Variants in ANO3 observed in about 807,000 individuals in gnomAD.
The protein encoded by ANO3 is anoctamin-3.
In ANO3, 99 loss-of-function variants were observed where a neutral mutation model predicts 144.8. The observed-to-expected ratio is 0.68, with a 90% CI of 0.58 to 0.81. The LOEUF is 0.81. Ranked by LOEUF, ANO3 falls within the 30% of genes least tolerant of loss-of-function variation. ANO3 has a pLI of 0.00. For missense variants in ANO3, 905 were observed against 1,202.2 expected, an observed-to-expected ratio of 0.75 and a Z score of 3.66; for synonymous variants, 414 against 392.6, an observed-to-expected ratio of 1.05 and a Z score of -0.64.
intron 14 of ANO3, among the ~76,000 whole-genome samples, chr11:26,586,354 CTTTTTTTTTT>C (rs143903766): frequency 2.4e-5 from 3 of 125,676 alleles, no homozygotes; most frequent in Admixed American, 1.5e-4. Flanking sequence ...CTCCTGTATT[CTTTTTTTTTT>C]TTTTTTTTTT....
intron 4 of ANO3, among the ~76,000 whole-genome samples, chr11:26,464,089 A>G (rs1859513053): frequency 1.3e-5 from 2 of 151,890 alleles, no homozygotes; most frequent in Non-Finnish European, 2.9e-5. Flanking sequence ...AATTTTGCAA[A>G]TATCTTTATT....
At chr11:26,330,129 T>C (rs541307045), upstream of ANO3, among the ~76,000 whole-genome samples, 3 of 152,280 alleles carry the variant, frequency 2.0e-5, no homozygotes, top group African/African-American at 4.8e-5. Flanking sequence ...CTAGTAAGTA[T>C]TGGGTGTTAG....
intron 18 of ANO3, among the ~76,000 whole-genome samples, chr11:26,632,912 C>G (rs187597760): frequency 1.6e-3 from 242 of 152,288 alleles, no homozygotes; most frequent in African/African-American, 5.6e-3. Flanking sequence ...AGAGAAACAA[C>G]AGTGAAAGCA....
chr11:26,405,149 T>G (rs931596067), intron 1 of ANO3, among the ~76,000 whole-genome samples: 1 of 151,710 alleles, frequency 6.6e-6, no homozygotes, highest in African/African-American at 2.4e-5. Context: ...ATTCCTTTCA[T>G]GGGAAAGAAT....
chr11:26,207,305 T>C (rs1851818065), intron 1 of ANO3, among the ~76,000 whole-genome samples: 1 of 152,164 alleles, frequency 6.6e-6, no homozygotes, highest in South Asian at 2.1e-4. Flanking sequence ...AAATGCATAG[T>C]TAATATTCTA....
At chr11:26,268,524 C>T (rs1179828648) in intron 1 of ANO3, among the ~76,000 whole-genome samples, 1 of 152,020 alleles carries the variant, frequency 6.6e-6, no homozygotes, top group Admixed American at 6.6e-5. Flanking sequence ...GTCTCTTTTA[C>T]TTGAAAAAAA....
intron 9 of ANO3, among the ~76,000 whole-genome samples, chr11:26,536,334 G>A (rs1377890174): frequency 2.8e-4 from 41 of 147,454 alleles, no homozygotes; most frequent in Admixed American, 6.7e-4. Context: ...AAAAAAAAAA[G>A]AAAGAAACTG....
chr11:26,655,282 G>A (rs1474915094), intron 24 of ANO3, among the ~76,000 whole-genome samples: 2 of 152,034 alleles, frequency 1.3e-5, no homozygotes, highest in African/African-American at 4.8e-5. Flanking sequence ...TATTGCCCTT[G>A]GTAGAGACAC....
At chr11:26,620,659 G>A (rs1852388297) in intron 17 of ANO3, among the ~76,000 whole-genome samples, 1 of 152,154 alleles carries the variant, frequency 6.6e-6, no homozygotes, top group African/African-American at 2.4e-5. Context: ...AGTACTCCAT[G>A]TAGGTTCTGG....
intron 14 of ANO3, among the ~76,000 whole-genome samples, chr11:26,576,022 G>C (rs902714099): frequency 6.6e-6 from 1 of 152,176 alleles, no homozygotes; most frequent in Non-Finnish European, 1.5e-5. Context: ...TTAGCAGAAA[G>C]ACTTTGTCGC....
intron 1 of ANO3, among the ~76,000 whole-genome samples, chr11:26,318,540 C>T (rs1480209606): frequency 2.0e-5 from 3 of 152,100 alleles, no homozygotes; most frequent in Non-Finnish European, 4.4e-5. Flanking sequence ...TAGGGAGACA[C>T]GACTGACAGC....
intron 1 of ANO3, among the ~76,000 whole-genome samples, chr11:26,315,708 T>TCTATCTAC (rs1854611331): frequency 6.6e-6 from 1 of 151,550 alleles, no homozygotes; most frequent in African/African-American, 2.4e-5. Flanking sequence ...TATCTATCTA[T>TCTATCTAC]CTACCTACCT....
intron 4 of ANO3, among the ~76,000 whole-genome samples, chr11:26,483,924 G>C (rs1277972788): frequency 2.0e-5 from 3 of 152,200 alleles, no homozygotes; most frequent in Non-Finnish European, 1.5e-5. Flanking sequence ...GGAGGTCTCA[G>C]ATGGAAATGA....
chr11:26,249,350 G>A (rs1164461407), intron 1 of ANO3, among the ~76,000 whole-genome samples: 1 of 152,102 alleles, frequency 6.6e-6, no homozygotes, highest in Non-Finnish European at 1.5e-5. Context: ...ATTCTACTAC[G>A]AAGCTAACAT....
At chr11:26,524,526 A>G (rs1452041077) in intron 6 of ANO3, among the ~76,000 whole-genome samples, 1 of 152,118 alleles carries the variant, frequency 6.6e-6, no homozygotes, top group African/African-American at 2.4e-5. Context: ...GTACCACAGC[A>G]TAGAGGAGCT....
chr11:26,267,184 G>A (rs569025906), intron 1 of ANO3, among the ~76,000 whole-genome samples: 17 of 147,636 alleles, frequency 1.2e-4, no homozygotes, highest in South Asian at 2.1e-4. Flanking sequence ...ACGCACGCAC[G>A]CACACACACA....
At chr11:26,504,942 G>A (rs1310364708) in intron 4 of ANO3, among the ~76,000 whole-genome samples, 1 of 148,262 alleles carries the variant, frequency 6.7e-6, no homozygotes, top group Non-Finnish European at 1.5e-5. Flanking sequence ...AACCCTGGAG[G>A]CGGAGCTTGC....
rs972124167 is a variant in ANO3 at position 26,660,743 on chromosome 11, G to A, written c.*299G>A. The A allele has an allele frequency of 2.1e-5, 6 of 281,020 alleles. No homozygotes were observed. The highest frequency in any genetic ancestry group is 3.9e-5 in the Non-Finnish European group (6 of 152,666). 17.4% of individuals were successfully genotyped at this position (281,020 alleles called of 1,614,324 possible). ...AGAACTCTGCCTTCCATCAACTGCA[G>A]TGTAATGGGAAAGAGGGTGGTGAGG... On this transcript the variant is annotated 3_prime_UTR_variant, in exon 27 of 27. Coordinates refer to ENST00000256737, the MANE Select transcript of ANO3 (RefSeq NM_031418.4).
Position 26,443,702 on chromosome 11 carries a change from G to C in ANO3, c.242-63G>C. On this transcript the variant is annotated intron_variant, in intron 2 of 26. Transcript: ENST00000256737. ...CCATCATTTGTCCATCTATAACCAT[G>C]GTTATTTTTCTGTTGTTATGCTTTT... The C allele has an allele frequency of 4.7e-6, 4 of 848,766 alleles. No homozygotes were observed. In the East Asian group the frequency reaches 9.3e-5, roughly 20 times the overall value. 52.6% of individuals were successfully genotyped at this position (848,766 alleles called of 1,614,324 possible).
Sources: gnomAD v4.1 joint callset for allele counts (sites outside exome capture counted in the v4.1 genomes callset) on GRCh38, gnomAD v4.1.1 for gene constraint, MANE v1.5 for transcripts, NCBI Gene and HGNC (gene_info 2026-07-23, HGNC 2026-07-21) for gene names.